The following BDP1 variants were observed in gnomAD, a reference collection of about 807,000 sequenced individuals.
The protein encoded by BDP1 is transcription factor TFIIIB component B'' homolog.
Under a neutral mutation model 266.6 loss-of-function variants are expected in BDP1, and 169 were observed. The observed-to-expected ratio is 0.63, with a 90% CI of 0.56 to 0.72. The LOEUF (loss-of-function observed/expected upper bound fraction) is 0.72. Among genes scored for constraint, BDP1 ranks in the 30% least tolerant of loss-of-function variants. The pLI, the probability that BDP1 is intolerant of heterozygous loss-of-function variation, is 0.00. For missense variants in BDP1, 3,015 were observed against 3,053.8 expected, an observed-to-expected ratio of 0.99 and a Z score of 0.30; for synonymous variants, 1,090 against 1,022.4, an observed-to-expected ratio of 1.07 and a Z score of -1.26.
intron 37 of BDP1, among the ~76,000 whole-genome samples, chr5:71,561,085 A>G (rs746031453): frequency 6.6e-6 from 1 of 152,022 alleles, no homozygotes; most frequent in African/African-American, 2.4e-5. Flanking sequence ...CCTGGGCAAC[A>G]TAGCCAGACC....
Position 71,461,193 on chromosome 5 carries a change from A to T in BDP1, c.490-624A>T, listed in dbSNP as rs147219102. ...AGATAGGGTCTCATTTATGTTGCCC[A>T]GGCTGGTAACTCCTGAGCTCAAGCG... On this transcript the variant is annotated intron_variant, in intron 2 of 38. Coordinates refer to ENST00000358731, the MANE Select transcript of BDP1 (RefSeq NM_018429.3). Among the ~76,000 whole-genome samples the T allele has an allele frequency of 4.2e-3, 642 of 152,146 alleles. 6 individuals carry two copies. The highest frequency in any genetic ancestry group is 0.015 in the African/African-American group (609 of 41,518).
intron 36 of BDP1, among the ~76,000 whole-genome samples, chr5:71,557,440 A>G (rs1231019636): frequency 7.6e-6 from 1 of 131,854 alleles, no homozygotes; most frequent in Non-Finnish European, 1.5e-5. Context: ...GCTGGAGTGC[A>G]GTGGTGCGAT....
At position 71,511,953 on chromosome 5, in the gene BDP1, A is replaced by G. The variant is rs145817667; in HGVS notation, c.4060-288A>G. On this transcript the variant is annotated intron_variant, in intron 17 of 38. Coordinates refer to ENST00000358731, the MANE Select transcript of BDP1 (RefSeq NM_018429.3). Reference sequence around the variant, plus strand: ...TCTAAAAGTTCTTTTTGTTTTTTCAAGTTACTTTGAAGTTCATGATCTTCT... The same window carrying G: ...TCTAAAAGTTCTTTTTGTTTTTTCAGGTTACTTTGAAGTTCATGATCTTCT... 8.1e-3 allele frequency among the ~76,000 whole-genome samples: 1,214 copies of G among 150,244 alleles called. 7 individuals carry two copies. Among genetic ancestry groups the G allele is most frequent in the Non-Finnish European group, 0.012 (826 of 67,660 alleles).
chr5:71,538,644 T>C (rs1766779637), intron 26 of BDP1, among the ~76,000 whole-genome samples: 1 of 152,222 alleles, frequency 6.6e-6, no homozygotes, highest in Non-Finnish European at 1.5e-5. Flanking sequence ...TGCATTTAAG[T>C]TTTAAGCTAC....
chr5:71,516,045 C>G lies in BDP1; in HGVS notation c.4650-16C>G, dbSNP rs896911075. 41 of 1,579,462 alleles carry G rather than the reference C, an allele frequency of 2.6e-5. 3 individuals carry two copies. The highest frequency in any genetic ancestry group is 1.7e-6 in the Non-Finnish European group (2 of 1,160,200). Reference sequence around the variant, plus strand: ...ACAGTCAAGCGCCCTGCCTTTCTCCCTGTCCCCTTGTTTAGGACTAATAAT... The same window carrying G: ...ACAGTCAAGCGCCCTGCCTTTCTCCGTGTCCCCTTGTTTAGGACTAATAAT... On this transcript the variant is annotated splice_polypyrimidine_tract_variant and intron_variant, in intron 20 of 38. Transcript: ENST00000358731.
At chr5:71,461,956 CTCT>C in intron 3 of BDP1, 30 bp downstream of exon 3, 5 of 725,288 alleles carry the variant, frequency 6.9e-6, no homozygotes, top group East Asian at 2.9e-5. Context: ...GCTTTACTAT[CTCT>C]TTTTTTTTTT....
chr5:71,560,949 T>A (rs920592193), intron 37 of BDP1, among the ~76,000 whole-genome samples: 1 of 152,164 alleles, frequency 6.6e-6, no homozygotes, highest in Non-Finnish European at 1.5e-5. Flanking sequence ...AGATATGTGC[T>A]GAAAATAGAA....
At chr5:71,560,269 G>T (rs1476671159) in intron 37 of BDP1, 32 bp downstream of exon 37, 6 of 1,602,472 alleles carry the variant, frequency 3.7e-6, no homozygotes, top group Non-Finnish European at 4.3e-6. Context: ...TAAGTGTTTT[G>T]CTCTCTGTCT....
chr5:71,502,864 C>T (rs912359398), intron 15 of BDP1, 73 bp downstream of exon 15: 1 of 1,055,876 alleles, frequency 9.5e-7, no homozygotes, highest in East Asian at 2.4e-5. Flanking sequence ...TCCCTTCACC[C>T]ACATACTTAC....
chr5:71,545,030 C>A lies in BDP1; in HGVS notation c.6564-9C>A. On this transcript the variant is annotated splice_polypyrimidine_tract_variant and intron_variant, in intron 31 of 38. Transcript: ENST00000358731. ...TTTCAAATGACATGCATGCTAAACT[C>A]TCTTTCAGAAACGAAAATCAAGAAG... The A allele has an allele frequency of 1.2e-6, 2 of 1,612,284 alleles. No individual in the cohort carries two copies. Among genetic ancestry groups the A allele is most frequent in the Non-Finnish European group, 1.7e-6 (2 of 1,179,600 alleles).
chr5:71,517,271 A>G, intron 21 of BDP1, 51 bp from the exon 22 acceptor site: 1 of 1,341,584 alleles, frequency 7.5e-7, no homozygotes, highest in Non-Finnish European at 1.0e-6. Flanking sequence ...ATATTTTAAG[A>G]GGTATATTCT....
intron 7 of BDP1, among the ~76,000 whole-genome samples, chr5:71,480,238 G>C (rs1320110656): frequency 1.4e-5 from 2 of 147,674 alleles, no homozygotes; most frequent in African/African-American, 5.0e-5. Context: ...AGCTTCCCAA[G>C]TAGCTGGGAC....
At position 71,491,006 on chromosome 5, in the gene BDP1, T is replaced by G. The variant is rs1023982881; in HGVS notation, c.1515T>G (p.Pro505=). Residue 505 remains proline, a synonymous_variant, in exon 11 of 39, where the codon CCT becomes CCG. Coordinates refer to ENST00000358731, the MANE Select transcript of BDP1 (RefSeq NM_018429.3). Reference sequence around the variant, plus strand: ...TAGATAAATGTCAGGCTATAAGGCCTGAGCTAAAGGAAGGTGAATGCAGTA... The same window carrying G: ...TAGATAAATGTCAGGCTATAAGGCCGGAGCTAAAGGAAGGTGAATGCAGTA... ...KHKNKCQAIR[P]ELKEGECSKE... 6.2e-7 allele frequency: 1 copy of G among 1,611,386 alleles called. No homozygotes were observed. Among genetic ancestry groups the G allele is most frequent in the African/African-American group, 1.3e-5 (1 of 74,880 alleles).
chr5:71,504,484 A>G, intron 15 of BDP1, 137 bp from the exon 16 acceptor site: 1 of 753,464 alleles, frequency 1.3e-6, no homozygotes, highest in Non-Finnish European at 2.1e-6. Context: ...AAGAAAAAAC[A>G]TTAAAAGTAT....
intron 14 of BDP1, 78 bp downstream of exon 14, chr5:71,501,731 C>G (rs1055693996): frequency 5.8e-6 from 5 of 855,934 alleles, no homozygotes; most frequent in Non-Finnish European, 3.7e-6. Context: ...TTGTTTTCTA[C>G]TTAATAAGGT....
chr5:71,525,072 C>T (rs1441747177), intron 25 of BDP1, among the ~76,000 whole-genome samples: 3 of 152,234 alleles, frequency 2.0e-5, no homozygotes, highest in African/African-American at 7.2e-5. Flanking sequence ...ATTTCTCAAT[C>T]TTTTCCCCAC....
At chr5:71,560,288 A>G (rs754478459) in intron 37 of BDP1, 51 bp downstream of exon 37, 7 of 1,568,004 alleles carry the variant, frequency 4.5e-6, no homozygotes, top group Non-Finnish European at 1.7e-6. Context: ...CTTAATAAAT[A>G]TAACCTATAC....
At chr5:71,497,959 T>TC (rs1283668327) in intron 13 of BDP1, among the ~76,000 whole-genome samples, 1 of 151,958 alleles carries the variant, frequency 6.6e-6, no homozygotes, top group African/African-American at 2.4e-5. Context: ...CAGATAATTT[T>TC]TTTTTTTTTT....
At chr5:71,530,524 A>G (rs573620862) in intron 25 of BDP1, among the ~76,000 whole-genome samples, 87 of 152,116 alleles carry the variant, frequency 5.7e-4, no homozygotes, top group Admixed American at 4.3e-3. Flanking sequence ...GATTACAGGC[A>G]TGAGCTACCG....
Sources: allele counts gnomAD v4.1 joint callset (sites outside exome capture counted in the v4.1 genomes callset), GRCh38; gene constraint gnomAD v4.1.1; transcripts MANE v1.5; gene names NCBI Gene and HGNC (gene_info 2026-07-23, HGNC 2026-07-21).